DKK2: variants seen among roughly 807,000 people sequenced by gnomAD.
DKK2 encodes dickkopf Wnt signaling pathway inhibitor 2.
DKK2 carries 11 observed loss-of-function variants against 28.1 expected under a neutral mutation model. The ratio of observed to expected loss-of-function variants is 0.39; its 90% CI spans 0.25 to 0.65. DKK2 has a LOEUF of 0.65. Among genes scored for constraint, DKK2 ranks in the 30% least tolerant of loss-of-function variants. The probability of loss-of-function intolerance (pLI) is 0.47; values close to 1 mark genes in which losing one functional copy is unlikely to be tolerated. For synonymous variants in DKK2, 135 were observed against 126.5 expected (o/e 1.07, Z -0.45); for missense variants, 326 against 335.5 (o/e 0.97, Z 0.22).
intron 1 of DKK2, among the ~76,000 whole-genome samples, chr4:106,966,127 T>C (rs1333238570): frequency 6.6e-6 from 1 of 152,072 alleles, no homozygotes; most frequent in African/African-American, 2.4e-5. Context: ...TTTGGGAAAA[T>C]GTAAAGGATT....
chr4:107,022,539 G>C (rs926035377), intron 1 of DKK2, among the ~76,000 whole-genome samples: 10 of 152,082 alleles, frequency 6.6e-5, no homozygotes, highest in African/African-American at 2.2e-4. Context: ...TGGCTTGAGG[G>C]ACACAGTAGC....
chr4:107,033,627 A>G (rs1723910925), intron 1 of DKK2, among the ~76,000 whole-genome samples: 1 of 152,190 alleles, frequency 6.6e-6, no homozygotes, highest in South Asian at 2.1e-4. Flanking sequence ...AATTCCCAGA[A>G]AATACATAGA....
At chr4:106,968,703 G>A (rs1225342972) in intron 1 of DKK2, among the ~76,000 whole-genome samples, 3 of 152,110 alleles carry the variant, frequency 2.0e-5, no homozygotes, top group Non-Finnish European at 1.5e-5. Context: ...AAGTAATTGA[G>A]TCTTCATTTT....
In DKK2 at chr4:106,925,944, G is replaced by A; in HGVS notation, c.228C>T (p.Tyr76=). ...CACACTCCTTATCACTGCTACAAGGGTAGGCCTGTCATCAAGTGGAACAAC... is the reference window on the plus strand; with the variant it reads ...CACACTCCTTATCACTGCTACAAGGATAGGCCTGTCATCAAGTGGAACAAC... ...SKKGKNLGQA[Y]PCSSDKECEV... The change falls in exon 2 of 4, where the codon TAC becomes TAT. Residue 76 remains tyrosine (Y), a synonymous_variant. Coordinates refer to ENST00000285311, the MANE Select transcript of DKK2 (RefSeq NM_014421.3). The A allele has an allele frequency of 6.2e-7, 1 of 1,602,794 alleles. No homozygotes were observed. The highest frequency in any genetic ancestry group is 8.5e-7 in the Non-Finnish European group (1 of 1,176,534).
intron 1 of DKK2, 137 bp downstream of exon 1, chr4:107,035,233 G>T: frequency 9.6e-7 from 1 of 1,036,736 alleles, no homozygotes; most frequent in Non-Finnish European, 1.4e-6. Context: ...CCTGTTCGGT[G>T]AATCCCTCCC....
intron 1 of DKK2, among the ~76,000 whole-genome samples, chr4:106,956,659 C>T (rs1382273250): frequency 6.6e-6 from 1 of 152,032 alleles, no homozygotes; most frequent in Non-Finnish European, 1.5e-5. Flanking sequence ...GGAAAGGATT[C>T]CCTATTTAAT....
rs145382760 is a variant in DKK2, at chr4:106,974,604, T to G, written c.223-48655A>C. Among the ~76,000 whole-genome samples the G allele has an allele frequency of 3.5e-3, 526 of 152,338 alleles. 3 individuals carry two copies. Among genetic ancestry groups the G allele is most frequent in the African/African-American group, 0.012 (512 of 41,578 alleles). ...GCACATTGATTTTGTATCCTGAGAC[T>G]TTGCTGCAGTTGCTTATCAGCTTAA... On this transcript the variant is annotated intron_variant, in intron 1 of 3. Coordinates refer to ENST00000285311, the MANE Select transcript of DKK2 (RefSeq NM_014421.3).
chr4:106,983,368 G>GAAGGAAAGAAAGAAAGAAAGA, intron 1 of DKK2, among the ~76,000 whole-genome samples: 1 of 92,732 alleles, frequency 1.1e-5, no homozygotes, highest in Non-Finnish European at 2.3e-5. Context: ...AAGAAAGAAA[G>GAAGGAAAGAAAGAAAGAAAGA]AAGAAAGAAA....
At chr4:106,940,893 G>A (rs1318454918) in intron 1 of DKK2, among the ~76,000 whole-genome samples, 1 of 151,990 alleles carries the variant, frequency 6.6e-6, no homozygotes, top group Non-Finnish European at 1.5e-5. Flanking sequence ...TCACTCATAG[G>A]TGGGAATTGA....
At chr4:106,965,552 C>T (rs936166114) in intron 1 of DKK2, among the ~76,000 whole-genome samples, 5 of 151,940 alleles carry the variant, frequency 3.3e-5, no homozygotes, top group Non-Finnish European at 7.4e-5. Context: ...CTTGGTTATA[C>T]TTGAAACTCA....
chr4:106,976,724 T>C (rs1046743474), intron 1 of DKK2, among the ~76,000 whole-genome samples: 6 of 152,218 alleles, frequency 3.9e-5, no homozygotes, highest in African/African-American at 7.2e-5. Context: ...AATTGGGGCA[T>C]TTAGCCCATT....
intron 1 of DKK2, among the ~76,000 whole-genome samples, chr4:106,983,930 A>C (rs1245310900): frequency 6.6e-6 from 1 of 152,208 alleles, no homozygotes; most frequent in Non-Finnish European, 1.5e-5. Flanking sequence ...ACCTATCAGA[A>C]TGCTATATTA....
intron 1 of DKK2, among the ~76,000 whole-genome samples, chr4:106,976,567 C>CT (rs562109676): frequency 1.3e-5 from 2 of 152,080 alleles, no homozygotes; most frequent in African/African-American, 2.4e-5. Flanking sequence ...GCAACCTCTG[C>CT]TTTTTTTTCT....
chr4:107,007,969 A>G (rs939028727), intron 1 of DKK2, among the ~76,000 whole-genome samples: 15 of 152,098 alleles, frequency 9.9e-5, no homozygotes, highest in African/African-American at 3.4e-4. Context: ...AAGCTTCCCA[A>G]ACTAGTCCCC....
At chr4:106,970,184 C>A (rs1722850640) in intron 1 of DKK2, among the ~76,000 whole-genome samples, 1 of 152,014 alleles carries the variant, frequency 6.6e-6, no homozygotes, top group Non-Finnish European at 1.5e-5. Flanking sequence ...GTCTACTTCA[C>A]AAGGGTATTG....
chr4:106,932,788 C>G (rs963474729), intron 1 of DKK2, among the ~76,000 whole-genome samples: 2 of 152,144 alleles, frequency 1.3e-5, no homozygotes, highest in African/African-American at 4.8e-5. Context: ...TCTTCCAAAT[C>G]TGGGATTTAT....
At chr4:106,940,955 T>C (rs1724687992) in intron 1 of DKK2, among the ~76,000 whole-genome samples, 1 of 151,650 alleles carries the variant, frequency 6.6e-6, no homozygotes, top group African/African-American at 2.4e-5. Flanking sequence ...CTGGGGACTG[T>C]TGTGTGGTGG....
At chr4:106,987,861 CTCT>C (rs1047344665) in intron 1 of DKK2, among the ~76,000 whole-genome samples, 1 of 147,882 alleles carries the variant, frequency 6.8e-6, no homozygotes, top group Non-Finnish European at 1.5e-5. Context: ...TGATGTTACT[CTCT>C]TCTTTTTTTT....
chr4:106,924,722 G>A (rs755119981), intron 2 of DKK2, 22 bp from the exon 3 acceptor site: 1 of 1,605,316 alleles, frequency 6.2e-7, no homozygotes, highest in South Asian at 1.1e-5. Flanking sequence ...CATATAATCA[G>A]TTAGACTAAT....
Sources: gnomAD v4.1 joint callset for allele counts (sites outside exome capture counted in the v4.1 genomes callset) on GRCh38, gnomAD v4.1.1 for gene constraint, MANE v1.5 for transcripts, NCBI Gene and HGNC (gene_info 2026-07-23, HGNC 2026-07-21) for gene names.